Variants in CTNNA2 observed in about 807,000 individuals in gnomAD.
CTNNA2 encodes the protein catenin alpha-2.
CTNNA2 carries 42 observed loss-of-function variants against 101.0 expected under a neutral mutation model. The observed-to-expected ratio is 0.42, with a 90% CI of 0.32 to 0.54. CTNNA2 has a LOEUF of 0.54. Ranked by LOEUF, CTNNA2 falls within the 20% of genes least tolerant of loss-of-function variation. The probability of loss-of-function intolerance (pLI) is 0.14; values close to 1 mark genes in which losing one functional copy is unlikely to be tolerated. For missense variants in CTNNA2, 871 were observed against 1,223.1 expected, an observed-to-expected ratio of 0.71 and a Z score of 4.29; for synonymous variants, 450 against 456.4, an observed-to-expected ratio of 0.99 and a Z score of 0.18.
At chr2:80,249,963 T>C (rs75725683) in intron 7 of CTNNA2, among the ~76,000 whole-genome samples, 1,973 of 152,242 alleles carry the variant, frequency 0.013, 52 homozygotes, top group African/African-American at 0.044. Flanking sequence ...CTGAAGCAAT[T>C]TGCAACTTAC....
chr2:80,232,356 T>G (rs1709293769), intron 7 of CTNNA2, among the ~76,000 whole-genome samples: 2 of 15,362 alleles, frequency 1.3e-4, no homozygotes, highest in African/African-American at 8.4e-4. Flanking sequence ...TTTTTTTTTT[T>G]TTTTTTTTTT....
intron 7 of CTNNA2, among the ~76,000 whole-genome samples, chr2:80,203,693 T>C (rs946557997): frequency 1.4e-4 from 21 of 152,340 alleles, no homozygotes; most frequent in African/African-American, 5.1e-4. Flanking sequence ...AAGCTGTTGG[T>C]GGAGTTACCA....
intron 7 of CTNNA2, among the ~76,000 whole-genome samples, chr2:80,022,805 A>C (rs1694662257): frequency 6.6e-6 from 1 of 152,184 alleles, no homozygotes; most frequent in Non-Finnish European, 1.5e-5. Context: ...AGATTAGTCA[A>C]AGTCCAGAGA....
Position 80,582,254 on chromosome 2 carries a change from G to T in CTNNA2, c.2007+435G>T, listed in dbSNP as rs554650917. ...AGGGCACTACTTTGTTTATAGCTGG[G>T]CTGTTGCTCCATACAATGGCCTATG... On this transcript the variant is annotated intron_variant, in intron 14 of 18. Transcript: ENST00000402739. Among the ~76,000 whole-genome samples, 135 of 152,218 alleles carry T rather than the reference G, an allele frequency of 8.9e-4. 1 individual carries two copies. The highest frequency in any genetic ancestry group is 3.1e-3 in the African/African-American group (128 of 41,544).
intron 13 of CTNNA2, among the ~76,000 whole-genome samples, chr2:80,581,497 A>T (rs977102595): frequency 3.9e-5 from 6 of 152,140 alleles, no homozygotes; most frequent in African/African-American, 1.4e-4. Flanking sequence ...AGGAAATAAT[A>T]AATAAAATAT....
chr2:80,061,141 G>A (rs1181026952), intron 7 of CTNNA2, among the ~76,000 whole-genome samples: 1 of 151,990 alleles, frequency 6.6e-6, no homozygotes, highest in Non-Finnish European at 1.5e-5. Flanking sequence ...GTAACCTAAA[G>A]ACAAGGCAAA....
chr2:79,818,171 T>A (rs1211716614), intron 3 of CTNNA2, among the ~76,000 whole-genome samples: 1 of 152,204 alleles, frequency 6.6e-6, no homozygotes, highest in African/African-American at 2.4e-5. Context: ...AGTTCACTTT[T>A]TTTGGAAGAA....
chr2:80,457,684 T>A (rs1407284699), intron 9 of CTNNA2, among the ~76,000 whole-genome samples: 1 of 152,168 alleles, frequency 6.6e-6, no homozygotes, highest in Non-Finnish European at 1.5e-5. Flanking sequence ...AACACTATAT[T>A]GAGGGATGGG....
intron 3 of CTNNA2, among the ~76,000 whole-genome samples, chr2:79,854,957 G>A (rs1681012269): frequency 1.3e-5 from 2 of 152,070 alleles, no homozygotes. Context: ...TTATCAGTTT[G>A]CTTCAGTAAT....
intron 7 of CTNNA2, among the ~76,000 whole-genome samples, chr2:80,247,253 G>C (rs542490792): frequency 1.9e-4 from 29 of 152,250 alleles, no homozygotes; most frequent in African/African-American, 6.7e-4. Context: ...ATAGGCACAA[G>C]AACATTAAAT....
At position 80,560,571 on chromosome 2, in the gene CTNNA2, C is replaced by A. The variant is rs1174504295; in HGVS notation, c.1741+4678C>A. On this transcript the variant is annotated intron_variant, in intron 12 of 18. Coordinates refer to ENST00000402739, the MANE Select transcript of CTNNA2 (RefSeq NM_001282597.3). The stretch of plus-strand genomic sequence containing the variant: ...GCATAAGCAATTATTGCCCATGAGT[C>A]CCCTGTATAAACCCTCTGCACCATC... Among the ~76,000 whole-genome samples the A allele has an allele frequency of 1.3e-4, 20 of 152,130 alleles. 1 individual carries two copies. The highest frequency in any genetic ancestry group is 1.2e-3 in the Admixed American group (19 of 15,266).
chr2:79,580,050 A>G (rs1300936903), intron 1 of CTNNA2, among the ~76,000 whole-genome samples: 13 of 152,218 alleles, frequency 8.5e-5, no homozygotes, highest in Non-Finnish European at 1.9e-4. Flanking sequence ...AGGAAATGCA[A>G]GTAGGGTCTG....
intron 6 of CTNNA2, among the ~76,000 whole-genome samples, chr2:79,891,998 G>A (rs1684338074): frequency 6.6e-6 from 1 of 151,992 alleles, no homozygotes; most frequent in Non-Finnish European, 1.5e-5. Context: ...AAATATTAAA[G>A]TAGTATAAGG....
chr2:79,775,712 C>G (rs1573937889), intron 3 of CTNNA2, among the ~76,000 whole-genome samples: 1 of 152,124 alleles, frequency 6.6e-6, no homozygotes, highest in South Asian at 2.1e-4. Flanking sequence ...GTTTTCGAAA[C>G]AAATAAATGC....
At chr2:79,349,015 C>A (rs899223442) in intron 3 of CTNNA2, among the ~76,000 whole-genome samples, 1 of 152,158 alleles carries the variant, frequency 6.6e-6, no homozygotes, top group Non-Finnish European at 1.5e-5. Flanking sequence ...AATATCAATA[C>A]AATATTAAGA....
chr2:79,527,449 G>A (rs1268937841), intron 1 of CTNNA2, among the ~76,000 whole-genome samples: 1 of 143,898 alleles, frequency 6.9e-6, no homozygotes, highest in Non-Finnish European at 1.5e-5. Context: ...GGCCAACATG[G>A]TGAGACCCTT....
At chr2:79,595,180 C>A (rs1163312649) in intron 1 of CTNNA2, among the ~76,000 whole-genome samples, 2 of 152,330 alleles carry the variant, frequency 1.3e-5, no homozygotes, top group African/African-American at 4.8e-5. Flanking sequence ...CCCGGTTCTG[C>A]ACTTGTCTCT....
At chr2:80,505,946 G>T (rs1280324139) in intron 9 of CTNNA2, among the ~76,000 whole-genome samples, 1 of 152,172 alleles carries the variant, frequency 6.6e-6, no homozygotes, top group South Asian at 2.1e-4. Context: ...GATATGTGGA[G>T]AATTTTCATC....
intron 2 of CTNNA2, among the ~76,000 whole-genome samples, chr2:79,689,179 A>T (rs1469231751): frequency 6.6e-6 from 1 of 151,854 alleles, no homozygotes; most frequent in Non-Finnish European, 1.5e-5. Flanking sequence ...ATATCACTTT[A>T]AAAAAGCAGA....
Sources: gnomAD v4.1 joint callset for allele counts (sites outside exome capture counted in the v4.1 genomes callset) on GRCh38, gnomAD v4.1.1 for gene constraint, MANE v1.5 for transcripts, NCBI Gene and HGNC (gene_info 2026-07-23, HGNC 2026-07-21) for gene names.